The following ARMC2 variants were observed in gnomAD, a reference collection of about 807,000 sequenced individuals.
ARMC2 encodes armadillo repeat containing 2, also known as armadillo repeat-containing protein 2.
Under a neutral mutation model 90.3 loss-of-function variants are expected in ARMC2, and 67 were observed. The observed-to-expected ratio is 0.74, with a 90% confidence interval of 0.61 to 0.91. ARMC2 has a LOEUF of 0.91. ARMC2 is among the 40% of genes least tolerant of loss of function. The probability of loss-of-function intolerance (pLI) is 0.00; values close to 1 mark genes in which losing one functional copy is unlikely to be tolerated. For synonymous variants in ARMC2, 393 were observed against 393.0 expected, an observed-to-expected ratio of 1.00 and a Z score of 0.00; for missense variants, 920 against 1,030.9, an observed-to-expected ratio of 0.89 and a Z score of 1.47.
chr6:108,987,779 T>C, the ARMC2 span: 5 of 456,756 alleles, frequency 1.1e-5, no homozygotes, highest in Non-Finnish European at 1.9e-5. Context: ...GTTGAACAGA[T>C]TATAAATTTC....
chr6:108,996,559 TA>T, the ARMC2 span, among the ~76,000 whole-genome samples: 1 of 152,140 alleles, frequency 6.6e-6, no homozygotes, highest in South Asian at 2.1e-4. Context: ...TAATTCTTGA[TA>T]AATTATATTG....
chr6:108,941,244 CTT>C lies in ARMC2; in HGVS notation c.1596+4246_1596+4247del, dbSNP rs1445221898. On this transcript the variant is annotated intron_variant, in intron 12 of 17. Coordinates refer to ENST00000392644, the MANE Select transcript of ARMC2 (RefSeq NM_032131.6). ...ATTCCATATTTCAAGTTGTAGCTCT[CTT>C]GTCTGCTCCCCTGTGAGGCCTCCCA... 5.9e-5 allele frequency among the ~76,000 whole-genome samples: 9 copies of C among 152,282 alleles called. No homozygotes were observed. In the East Asian group the frequency reaches 1.5e-3, roughly 26 times the overall value.
At chr6:108,983,564 G>A in the ARMC2 span, among the ~76,000 whole-genome samples, 13 of 152,308 alleles carry the variant, frequency 8.5e-5, no homozygotes, top group Middle Eastern at 6.8e-3. Context: ...GGCCATATAT[G>A]TGAGAATTTA....
chr6:108,994,656 T>C, the ARMC2 span: 6 of 1,425,862 alleles, frequency 4.2e-6, no homozygotes, highest in Admixed American at 6.6e-5. Flanking sequence ...ACATAGAATA[T>C]ATATGAATTA....
intron 13 of ARMC2, among the ~76,000 whole-genome samples, chr6:108,955,062 C>T (rs577437745): frequency 1.5e-4 from 23 of 152,256 alleles, no homozygotes; most frequent in East Asian, 5.8e-4. Context: ...CCAGCTCCAC[C>T]GGATGAGGGC....
intron 11 of ARMC2, 87 bp from the exon 12 acceptor site, chr6:108,936,813 G>C (rs1372343025): frequency 9.4e-7 from 1 of 1,058,560 alleles, no homozygotes; most frequent in African/African-American, 1.6e-5. Context: ...ATGTTTTGAA[G>C]GTCTGCATTT....
chr6:109,048,346 A>T, the ARMC2 span, among the ~76,000 whole-genome samples: 4 of 152,122 alleles, frequency 2.6e-5, no homozygotes, highest in South Asian at 4.2e-4. Context: ...TCCCTTGTTT[A>T]CTTGTCTTGA....
At chr6:108,921,924 G>A (rs1461748275) in intron 10 of ARMC2, among the ~76,000 whole-genome samples, 1 of 152,144 alleles carries the variant, frequency 6.6e-6, no homozygotes, top group East Asian at 1.9e-4. Context: ...AATAGAGTAG[G>A]GAGGCAATAG....
At chr6:108,994,378 T>A in the ARMC2 span, 2 of 1,140,846 alleles carry the variant, frequency 1.8e-6, no homozygotes, top group Admixed American at 4.2e-5. Context: ...ATATTTAGAT[T>A]GATGCTTTAA....
chr6:109,019,097 A>G, the ARMC2 span, among the ~76,000 whole-genome samples: 1 of 152,226 alleles, frequency 6.6e-6, no homozygotes, highest in Non-Finnish European at 1.5e-5. Context: ...TCATTGATAA[A>G]ACACTTTTAC....
chr6:108,865,907 C>G (rs1775764653), intron 3 of ARMC2, among the ~76,000 whole-genome samples: 1 of 151,356 alleles, frequency 6.6e-6, no homozygotes, highest in Admixed American at 6.6e-5. Context: ...GTCCCAGCTA[C>G]TCAGGAGGCT....
chr6:109,008,759 A>AATT, the ARMC2 span: 1 of 984,958 alleles, frequency 1.0e-6, no homozygotes, highest in Non-Finnish European at 1.2e-6. Flanking sequence ...CCTCTTTCTA[A>AATT]AGGACAATTC....
the ARMC2 span, among the ~76,000 whole-genome samples, chr6:109,023,000 T>G: frequency 1.3e-5 from 2 of 152,210 alleles, no homozygotes; most frequent in East Asian, 1.9e-4. Context: ...TGTCTTCCCC[T>G]GCACTATGTT....
intron 8 of ARMC2, among the ~76,000 whole-genome samples, chr6:108,905,919 G>C (rs926446930): frequency 6.6e-6 from 1 of 152,140 alleles, no homozygotes; most frequent in Non-Finnish European, 1.5e-5. Flanking sequence ...CTACTGCCTG[G>C]ATCTCCTGTA....
At chr6:108,982,152 A>T in the ARMC2 span, among the ~76,000 whole-genome samples, 26 of 152,202 alleles carry the variant, frequency 1.7e-4, no homozygotes, top group African/African-American at 5.8e-4. Context: ...TTTTGTGTAT[A>T]TACTCAGAAG....
the ARMC2 span, chr6:108,986,887 A>C: frequency 6.6e-6 from 1 of 152,352 alleles, no homozygotes; most frequent in Admixed American, 6.5e-5. Context: ...ATGCCATTTT[A>C]ATTTAATATC....
chr6:108,999,011 T>C, the ARMC2 span: 1 of 279,294 alleles, frequency 3.6e-6, no homozygotes, highest in Non-Finnish European at 6.7e-6. Context: ...TGTAAGAGAA[T>C]GCATTTTGCT....
the ARMC2 span, among the ~76,000 whole-genome samples, chr6:109,026,694 G>C: frequency 6.8e-4 from 103 of 151,964 alleles, no homozygotes; most frequent in Non-Finnish European, 9.4e-4. Flanking sequence ...TAGTAGCGAC[G>C]GGGTTTCACC....
At chr6:109,019,243 TG>T in the ARMC2 span, among the ~76,000 whole-genome samples, 5 of 152,270 alleles carry the variant, frequency 3.3e-5, no homozygotes, top group African/African-American at 1.2e-4. Context: ...ATCTGTATCC[TG>T]GAACTCACAC....
Sources: gnomAD v4.1 joint callset for allele counts (sites outside exome capture counted in the v4.1 genomes callset) on GRCh38, gnomAD v4.1.1 for gene constraint, MANE v1.5 for transcripts, NCBI Gene and HGNC (gene_info 2026-07-23, HGNC 2026-07-21) for gene names.